The following NEB variants were observed in gnomAD, a reference collection of about 807,000 sequenced individuals.
NEB encodes the protein nemaline myopathy type 2.
A neutral mutation model predicts 952.2 loss-of-function variants in NEB; 512 were observed. The ratio of observed to expected loss-of-function variants is 0.54; its 90% CI spans 0.50 to 0.58. The LOEUF is 0.58. Among genes scored for constraint, NEB ranks in the 20% least tolerant of loss-of-function variants. The pLI, the probability that NEB is intolerant of heterozygous loss-of-function variation, is 0.00. For missense variants in NEB, 8,428 were observed against 9,231.1 expected (o/e 0.91, Z 3.56); for synonymous variants, 2,900 against 3,149.8 (o/e 0.92, Z 2.66).
intron 32 of NEB, 92 bp from the exon 33 acceptor site, chr2:151,678,279 A>C (rs1049073296): frequency 2.7e-6 from 2 of 733,046 alleles, no homozygotes; most frequent in South Asian, 4.3e-5. Context: ...TGAGCTTCCC[A>C]AAAATTACTG....
intron 175 of NEB, 96 bp downstream of exon 175, chr2:151,493,679 A>T: frequency 9.4e-7 from 1 of 1,062,482 alleles, no homozygotes; most frequent in Non-Finnish European, 1.3e-6. Context: ...AAAGATACAC[A>T]AAAGTTTTGG....
At chr2:151,642,353 C>T (rs1305316457) in intron 60 of NEB, among the ~76,000 whole-genome samples, 4 of 152,186 alleles carry the variant, frequency 2.6e-5, no homozygotes, top group East Asian at 3.8e-4. Flanking sequence ...CAGCAGGAAA[C>T]GGACATGTTT....
chr2:151,664,036 G>C (rs5005569), intron 44 of NEB, among the ~76,000 whole-genome samples, 177 bp from the exon 45 acceptor site: 35,901 of 150,708 alleles, frequency 0.24, 5,774 homozygotes, highest in East Asian at 0.47. Context: ...TTTTTTTCCC[G>C]AGACTTGAGT....
chr2:151,614,360 G>A lies in NEB; in HGVS notation c.11517C>T (p.Tyr3839=), dbSNP rs748370445. 5.0e-6 allele frequency: 8 copies of A among 1,613,808 alleles called. 1 individual carries two copies. In the African/African-American group the frequency reaches 9.3e-5, roughly 19 times the overall value. ...AGGTCCATTCATGCAGGGGATGCTT[G>A]TAGTCTATGTCGCTTACAAGGATCT... The part of the protein sequence containing the change: ...KCQILVSDID[Y]KHPLHEWTCL... The change falls in exon 77 of 182, where the codon TAC becomes TAT. Residue 3839 remains tyrosine, a synonymous_variant. Transcript: ENST00000397345.
chr2:151,547,251 T>A (rs938504637), intron 133 of NEB, among the ~76,000 whole-genome samples, 178 bp downstream of exon 133: 6 of 152,186 alleles, frequency 3.9e-5, no homozygotes, highest in Non-Finnish European at 7.4e-5. Context: ...TATTACTGTT[T>A]CCATAGCTGT....
rs764457781 is a variant in NEB, at chr2:151,514,314, C to T, written c.23127+4G>A. Reference sequence around the variant, plus strand: ...TACGTGCAGGCAGTCAGCTGTGGGCCTACCTCATTGAGGATTTGAGTGGCA... The same window carrying T: ...TACGTGCAGGCAGTCAGCTGTGGGCTTACCTCATTGAGGATTTGAGTGGCA... On this transcript the variant is annotated splice_donor_region_variant and intron_variant, in intron 159 of 181. Transcript: ENST00000397345. 163 of 1,597,978 alleles carry T rather than the reference C, an allele frequency of 1.0e-4. No homozygotes were observed. The highest frequency in any genetic ancestry group is 1.4e-4 in the Non-Finnish European group (158 of 1,165,506).
At chr2:151,695,751 A>T in intron 17 of NEB, 69 bp from the exon 18 acceptor site, 1 of 1,221,484 alleles carries the variant, frequency 8.2e-7, no homozygotes, top group Non-Finnish European at 1.2e-6. Flanking sequence ...TGTGTGGTAC[A>T]TTTTGTAAAG....
rs2149258245 is a variant in NEB, at chr2:151,694,444, G to A, written c.1783-8C>T. On this transcript the variant is annotated splice_polypyrimidine_tract_variant and splice_region_variant and intron_variant, in intron 19 of 181. Transcript: ENST00000397345. Reference sequence around the variant, plus strand: ...GTCTTTCTTGTACATCACCTGCAAAGACATCACACATGCCAGATTCCACTC... The same window carrying A: ...GTCTTTCTTGTACATCACCTGCAAAAACATCACACATGCCAGATTCCACTC... 4.3e-6 allele frequency: 7 copies of A among 1,612,962 alleles called. No homozygotes were observed. Among genetic ancestry groups the A allele is most frequent in the Non-Finnish European group, 5.9e-6 (7 of 1,179,146 alleles).
chr2:151,497,591 A>T, intron 171 of NEB, 35 bp downstream of exon 171: 2 of 1,542,994 alleles, frequency 1.3e-6, no homozygotes, highest in Non-Finnish European at 1.8e-6. Context: ...CAAAATCATT[A>T]AATAAGTAGT....
chr2:151,733,215 AT>A, intron 2 of NEB, 30 bp from the exon 3 acceptor site: 1 of 1,391,102 alleles, frequency 7.2e-7, no homozygotes, highest in Non-Finnish European at 1.0e-6. Flanking sequence ...ATGAAAACAT[AT>A]TAGAGTCTAT....
At chr2:151,531,209 TATGAATTTGACAGGTGCTTTC>T in intron 144 of NEB, 108 bp from the exon 145 acceptor site, 1 of 749,404 alleles carries the variant, frequency 1.3e-6, no homozygotes, top group Non-Finnish European at 2.3e-6. Context: ...AAGAGAATTC[TATGAATTTGACAGGTGCTTTC>T]ATGCTCTCTG....
Position 151,621,019 on chromosome 2 carries a change from T to A in NEB, c.10460A>T (p.Tyr3487Phe). ...CTTGGCTTCTTCCATGGCCTGACGA[T>A]AGAGGCTCTGAGGAAAGAAGGAGTA... is the stretch of plus-strand genomic sequence containing the variant. ...QNKINYSESL[Y>F]RQAMEEAKKE... The change falls in exon 72 of 182, where the codon TAT becomes TTT. Residue 3487 changes from tyrosine to phenylalanine, a missense_variant. Tyr to Phe is a conservative substitution (Grantham distance 22). Transcript: ENST00000397345. The A allele has an allele frequency of 6.2e-7, 1 of 1,606,724 alleles. No individual in the cohort carries two copies. The highest frequency in any genetic ancestry group is 1.7e-4 in the Middle Eastern group (1 of 6,054).
intron 78 of NEB, 27 bp downstream of exon 78, chr2:151,612,159 G>A (rs2098004663): frequency 6.3e-7 from 1 of 1,599,216 alleles, no homozygotes; most frequent in Admixed American, 1.7e-5. Flanking sequence ...GTATGATTCT[G>A]GCAACAGAAA....
chr2:151,654,435 T>A (rs1226605929), intron 51 of NEB, among the ~76,000 whole-genome samples: 1 of 152,194 alleles, frequency 6.6e-6, no homozygotes, highest in African/African-American at 2.4e-5. Context: ...ATTTTGAAGA[T>A]AGATATTAAG....
At chr2:151,534,708 G>A (rs1162299346) in intron 142 of NEB, among the ~76,000 whole-genome samples, 5 of 152,144 alleles carry the variant, frequency 3.3e-5, no homozygotes, top group Non-Finnish European at 5.9e-5. Flanking sequence ...AAACATCCAC[G>A]GGAAATTTGT....
intron 37 of NEB, among the ~76,000 whole-genome samples, 195 bp downstream of exon 37, chr2:151,672,174 C>T (rs749884138): frequency 6.6e-6 from 1 of 152,104 alleles, no homozygotes; most frequent in Non-Finnish European, 1.5e-5. Flanking sequence ...AAGACAGCAT[C>T]AATAATTATG....
At chr2:151,728,537 G>A (rs183801463) in intron 4 of NEB, among the ~76,000 whole-genome samples, 1 of 152,256 alleles carries the variant, frequency 6.6e-6, no homozygotes, top group East Asian at 1.9e-4. Context: ...AAATGCTTAG[G>A]TGGACAAGAA....
At chr2:151,729,704 C>G in intron 3 of NEB, 48 bp from the exon 4 acceptor site, 1 of 1,587,468 alleles carries the variant, frequency 6.3e-7, no homozygotes, top group Non-Finnish European at 8.6e-7. Flanking sequence ...AAGCAGAAAC[C>G]ACCTCTCCTC....
chr2:151,629,772 A>G (rs1574368227), intron 67 of NEB, 126 bp from the exon 68 acceptor site: 1 of 715,654 alleles, frequency 1.4e-6, no homozygotes, highest in East Asian at 2.8e-5. Context: ...GTTTCTGGCA[A>G]TAGTGGAAAG....
Sources: allele counts gnomAD v4.1 joint callset (sites outside exome capture counted in the v4.1 genomes callset), GRCh38; gene constraint gnomAD v4.1.1; transcripts MANE v1.5; gene names NCBI Gene and HGNC (gene_info 2026-07-23, HGNC 2026-07-21).